Variants in RSU1 observed in about 807,000 individuals in gnomAD.
RSU1 encodes rsu-1.
Under a neutral mutation model 31.1 loss-of-function variants are expected in RSU1, and 26 were observed. The observed-to-expected ratio is 0.84, with a 90% CI of 0.61 to 1.16. RSU1 has a LOEUF of 1.16. RSU1 is among the 50% of genes most tolerant of loss of function. The pLI is 0.00. For missense variants in RSU1, 320 were observed against 339.1 expected, an observed-to-expected ratio of 0.94 and a Z score of 0.44; for synonymous variants, 164 against 136.3, an observed-to-expected ratio of 1.20 and a Z score of -1.41.
At chr10:16,720,280 G>C (rs559481431) in intron 7 of RSU1, among the ~76,000 whole-genome samples, 3 of 152,186 alleles carry the variant, frequency 2.0e-5, no homozygotes, top group Non-Finnish European at 4.4e-5. Context: ...AGAAAACATA[G>C]AGTTTATTAC....
At position 16,725,076 on chromosome 10, in the gene RSU1, T is replaced by C. The variant is rs12569594; in HGVS notation, c.598+27463A>G. 9.3e-3 allele frequency among the ~76,000 whole-genome samples: 1,422 copies of C among 152,334 alleles called. 34 individuals carry two copies. In the East Asian group the frequency reaches 0.1, roughly 11 times the overall value. ...ACTCTGAAACTCCAGTGGTGTTCTATTTCTTCACCTGAATAGTTGTCGTGA... is the reference window on the plus strand; with the variant it reads ...ACTCTGAAACTCCAGTGGTGTTCTACTTCTTCACCTGAATAGTTGTCGTGA... On this transcript the variant is annotated intron_variant, in intron 7 of 8. Transcript: ENST00000345264.
At chr10:16,641,839 G>A (rs1015828531) in intron 8 of RSU1, among the ~76,000 whole-genome samples, 3 of 152,216 alleles carry the variant, frequency 2.0e-5, no homozygotes, top group Admixed American at 6.5e-5. Flanking sequence ...CACGGGCTGG[G>A]TTGTACAGTT....
At position 16,782,086 on chromosome 10, in the gene RSU1, T is replaced by TA. The variant is rs748984549; in HGVS notation, c.110-3dup. ...GTTGTGTGATATGGGATAAGGTAAC[T>TA]AAAAAGAAAAGAAAAAAAAAAAGGT... On this transcript the variant is annotated splice_region_variant and splice_polypyrimidine_tract_variant and intron_variant, in intron 2 of 8. Transcript: ENST00000345264. 15 of 1,591,426 alleles carry TA rather than the reference T, an allele frequency of 9.4e-6. No individual in the cohort carries two copies. In the Admixed American group the frequency reaches 1.4e-4, roughly 15 times the overall value.
At chr10:16,618,504 C>A (rs974445191) in intron 8 of RSU1, among the ~76,000 whole-genome samples, 3 of 152,202 alleles carry the variant, frequency 2.0e-5, no homozygotes, top group African/African-American at 7.2e-5. Context: ...ATAAATCATT[C>A]TACTATAAAG....
Position 16,791,035 on chromosome 10 carries a change from A to T in RSU1, c.110-8951T>A, listed in dbSNP as rs187106645. ...ATATAACATGGAAGGAGTGGTCAGT[A>T]TTTTAATGGAGTAAATTCAGAAAAA... On this transcript the variant is annotated intron_variant, in intron 2 of 8. Coordinates refer to ENST00000345264, the MANE Select transcript of RSU1 (RefSeq NM_012425.4). Among the ~76,000 whole-genome samples, 229 of 152,242 alleles carry T rather than the reference A, an allele frequency of 1.5e-3. 1 individual carries two copies. Among genetic ancestry groups the T allele is most frequent in the African/African-American group, 5.4e-3 (224 of 41,546 alleles).
chr10:16,761,101 C>T (rs1038776273), intron 4 of RSU1, among the ~76,000 whole-genome samples: 8 of 152,250 alleles, frequency 5.3e-5, no homozygotes, highest in African/African-American at 1.9e-4. Context: ...CACGTGCCAC[C>T]ACACTTAATT....
intron 8 of RSU1, among the ~76,000 whole-genome samples, chr10:16,666,499 C>G (rs1377872615): frequency 6.6e-6 from 1 of 152,170 alleles, no homozygotes; most frequent in Non-Finnish European, 1.5e-5. Context: ...TTATCTGGGC[C>G]AGGCGTGGTG....
intron 7 of RSU1, among the ~76,000 whole-genome samples, chr10:16,713,601 T>C (rs925097464): frequency 3.9e-5 from 6 of 152,232 alleles, no homozygotes; most frequent in Non-Finnish European, 7.3e-5. Flanking sequence ...GTTTTCCTGA[T>C]CTCACTGAAT....
intron 8 of RSU1, among the ~76,000 whole-genome samples, chr10:16,664,843 C>T (rs1338786734): frequency 1.3e-5 from 2 of 152,206 alleles, no homozygotes; most frequent in African/African-American, 4.8e-5. Flanking sequence ...AAACTCTAGC[C>T]TATGCTTGCT....
At chr10:16,797,886 G>A (rs1465410914) in intron 2 of RSU1, among the ~76,000 whole-genome samples, 1 of 131,114 alleles carries the variant, frequency 7.6e-6, no homozygotes, top group Non-Finnish European at 1.5e-5. Flanking sequence ...TTTTGAGATG[G>A]AATCTCTCTC....
At chr10:16,784,752 G>A (rs1201554550) in intron 2 of RSU1, among the ~76,000 whole-genome samples, 4 of 152,164 alleles carry the variant, frequency 2.6e-5, no homozygotes, top group South Asian at 2.1e-4. Context: ...ATTCGATCTC[G>A]TGAGACTTAT....
At chr10:16,719,119 G>C (rs1836204144) in intron 7 of RSU1, among the ~76,000 whole-genome samples, 1 of 152,058 alleles carries the variant, frequency 6.6e-6, no homozygotes, top group Non-Finnish European at 1.5e-5. Flanking sequence ...ACAAGCCTCG[G>C]CAACACAGTG....
chr10:16,722,776 A>G (rs1348597417), intron 7 of RSU1, among the ~76,000 whole-genome samples: 2 of 151,880 alleles, frequency 1.3e-5, no homozygotes, highest in South Asian at 2.1e-4. Flanking sequence ...ATATCTGTAT[A>G]TATGTGTATG....
At chr10:16,739,095 T>G (rs892665213) in intron 7 of RSU1, among the ~76,000 whole-genome samples, 2 of 152,238 alleles carry the variant, frequency 1.3e-5, no homozygotes, top group Non-Finnish European at 2.9e-5. Flanking sequence ...CCACATTTTC[T>G]TTATCCAGTC....
At chr10:16,733,186 A>T (rs1427838020) in intron 7 of RSU1, among the ~76,000 whole-genome samples, 1 of 151,996 alleles carries the variant, frequency 6.6e-6, no homozygotes, top group African/African-American at 2.4e-5. Flanking sequence ...AAGTTATATA[A>T]ATCTTATTAA....
chr10:16,678,029 C>T (rs375402369), intron 8 of RSU1, among the ~76,000 whole-genome samples: 9 of 152,046 alleles, frequency 5.9e-5, no homozygotes, highest in East Asian at 1.9e-4. Context: ...TGTAGGAATC[C>T]GAAGCGCATT....
intron 7 of RSU1, among the ~76,000 whole-genome samples, chr10:16,734,585 T>C (rs1836586716): frequency 6.6e-6 from 1 of 152,244 alleles, no homozygotes; most frequent in Admixed American, 6.5e-5. Context: ...TAGGTTTCAC[T>C]TGTTTCTCAA....
At chr10:16,631,632 T>C (rs1369368741) in intron 8 of RSU1, among the ~76,000 whole-genome samples, 3 of 152,250 alleles carry the variant, frequency 2.0e-5, no homozygotes, top group Middle Eastern at 3.2e-3. Flanking sequence ...TCAATCATTA[T>C]GCTTACAAGC....
chr10:16,616,371 CAA>C (rs529296931), intron 8 of RSU1, among the ~76,000 whole-genome samples: 1,230 of 90,916 alleles, frequency 0.014, 27 homozygotes, highest in African/African-American at 0.037. Flanking sequence ...GCCTACCAAC[CAA>C]AAAAAAAAAA....
Sources: gnomAD v4.1 joint callset for allele counts (sites outside exome capture counted in the v4.1 genomes callset) on GRCh38, gnomAD v4.1.1 for gene constraint, MANE v1.5 for transcripts, NCBI Gene and HGNC (gene_info 2026-07-23, HGNC 2026-07-21) for gene names.